EP400: variants seen among roughly 807,000 people sequenced by gnomAD.
The protein encoded by EP400 is E1A-binding protein p400.
In EP400, 105 loss-of-function variants were observed where a neutral mutation model predicts 354.1. That is an observed-to-expected ratio of 0.30 (90% CI 0.25 to 0.35). The LOEUF is 0.35. Among genes scored for constraint, EP400 ranks in the 10% least tolerant of loss-of-function variants. The pLI is 1.00. For synonymous variants in EP400, 1,646 were observed against 1,716.9 expected, an observed-to-expected ratio of 0.96 and a Z score of 1.02; for missense variants, 3,280 against 4,121.0, an observed-to-expected ratio of 0.80 and a Z score of 5.59.
At chr12:131,980,529 T>C (rs1453132997) in intron 3 of EP400, among the ~76,000 whole-genome samples, 2 of 152,126 alleles carry the variant, frequency 1.3e-5, no homozygotes, top group Non-Finnish European at 2.9e-5. Context: ...GGTTTTTTTT[T>C]CCTACATGTT....
intron 3 of EP400, among the ~76,000 whole-genome samples, chr12:131,981,097 G>T (rs1205898984): frequency 6.6e-6 from 1 of 152,100 alleles, no homozygotes; most frequent in Admixed American, 6.6e-5. Context: ...TTTTGAGCAC[G>T]CTGTGCAGCC....
Position 132,045,311 on chromosome 12 carries a change from C to G in EP400, c.6785-8C>G, listed in dbSNP as rs562490251. The G allele has an allele frequency of 5.8e-5, 93 of 1,613,954 alleles. 3 individuals are homozygous for G. In the South Asian group the frequency reaches 9.3e-4, roughly 16 times the overall value. On this transcript the variant is annotated splice_region_variant and splice_polypyrimidine_tract_variant and intron_variant, in intron 37 of 52. Transcript: ENST00000389561. ...TACTCTCTTGCTGAAGACTGCCTCT[C>G]TGTTCAGCTGCAGGCAGGAAGAAGA...
chr12:131,989,494 T>A (rs1429895769), intron 7 of EP400, among the ~76,000 whole-genome samples: 3 of 152,248 alleles, frequency 2.0e-5, no homozygotes, highest in Non-Finnish European at 2.9e-5. Context: ...TCCACCCATT[T>A]GAGGTTCTGT....
At chr12:132,065,842 T>TA (rs1364265164) in intron 48 of EP400, 5 of 152,256 alleles carry the variant, frequency 3.3e-5, no homozygotes, top group Non-Finnish European at 7.3e-5. Context: ...GTAGCCAGGG[T>TA]ACCGGGTTCT....
At chr12:131,977,836 T>C (rs953307146) in intron 2 of EP400, among the ~76,000 whole-genome samples, 12 of 152,170 alleles carry the variant, frequency 7.9e-5, no homozygotes, top group African/African-American at 2.2e-4. Flanking sequence ...CCCGTGTGAG[T>C]ACAGAGTCTG....
chr12:131,972,995 G>C (rs1175703562), intron 2 of EP400, among the ~76,000 whole-genome samples: 2 of 152,144 alleles, frequency 1.3e-5, no homozygotes, highest in Admixed American at 1.3e-4. Context: ...GCCTCCCAAA[G>C]TGCTGGGATT....
chr12:132,040,387 T>C (rs1894858190), intron 32 of EP400, among the ~76,000 whole-genome samples: 1 of 152,126 alleles, frequency 6.6e-6, no homozygotes, highest in Non-Finnish European at 1.5e-5. Context: ...AGAGTTGAAA[T>C]TAGCGTGTAG....
At chr12:132,016,314 G>A (rs1285934399) in intron 19 of EP400, among the ~76,000 whole-genome samples, 1 of 151,990 alleles carries the variant, frequency 6.6e-6, no homozygotes, top group African/African-American at 2.4e-5. Context: ...GCTGTGTGGG[G>A]ACTCAGGACT....
Position 132,053,465 on chromosome 12 carries a change from C to G in EP400, c.7596C>G (p.Gly2532=). Reference sequence around the variant, plus strand: ...CGCTGCCACAACCACAGGCAGCGGGCAGCCAGCCGCCAGCAGGGCCACCAG... The same window carrying G: ...CGCTGCCACAACCACAGGCAGCGGGGAGCCAGCCGCCAGCAGGGCCACCAG... The part of the protein sequence containing the change: ...PPPLPQPQAA[G]SQPPAGPPAV... The change falls in exon 43 of 53, where the codon GGC becomes GGG. Residue 2532 remains glycine (G), a synonymous_variant. Transcript: ENST00000389561. The G allele has an allele frequency of 6.6e-7, 1 of 1,526,194 alleles. No individual in the cohort carries two copies. The highest frequency in any genetic ancestry group is 8.7e-7 in the Non-Finnish European group (1 of 1,143,358). 94.5% of individuals were successfully genotyped at this position (1,526,194 alleles called of 1,614,324 possible). A position where few individuals can be genotyped will look rare whatever the true frequency, so the allele number is the denominator to read the frequency against.
In EP400 at chr12:132,075,111, T is replaced by G. The variant is rs1896191277; in HGVS notation, c.9022-1405T>G. Among the ~76,000 whole-genome samples the G allele has an allele frequency of 1.3e-5, 2 of 152,180 alleles. No homozygotes were observed. The highest frequency in any genetic ancestry group is 3.9e-4 in the East Asian group (2 of 5,190). The stretch of plus-strand genomic sequence containing the variant: ...CTGAGGCTTAGGGCAGGTGCTTTTC[T>G]TACAGATGCCACTGGAGGAAGGGGA... On this transcript the variant is annotated intron_variant, in intron 51 of 52. Transcript: ENST00000389561. This position sits in a 1 kb window ranked among gnomAD's most constrained non-coding sequence, Gnocchi z 4.5.
rs1392419621 is a variant in EP400 at position 132,045,507 on chromosome 12, C to G, written c.6973C>G (p.Pro2325Ala). ...LPTFAKPTAE[P>A]GQDNPEWLIS... ...AACTTTTGCCAAACCCACAGCTGAG[C>G]CTGGTCAAGACAACCCCGAGTGGCT... The change falls in exon 38 of 53, where the codon CCT becomes GCT. Residue 2325 changes from proline to alanine, a missense_variant. Around this residue, in one of 20 missense-constraint regions of EP400, gnomAD observed 231 missense variants for 257.9 expected, o/e 0.90. Coordinates refer to ENST00000389561, the MANE Select transcript of EP400 (RefSeq NM_015409.5). 6.2e-7 allele frequency: 1 copy of G among 1,614,168 alleles called. No individual in the cohort carries two copies. Among genetic ancestry groups the G allele is most frequent in the Non-Finnish European group, 8.5e-7 (1 of 1,180,034 alleles).
chr12:131,970,016 TC>T (rs1892235080), intron 2 of EP400, among the ~76,000 whole-genome samples: 1 of 152,138 alleles, frequency 6.6e-6, no homozygotes, highest in Non-Finnish European at 1.5e-5. Flanking sequence ...GCCACTGCAC[TC>T]CCTTGGGTGA....
chr12:132,050,696 G>T lies in EP400; in HGVS notation c.7394+41G>T. The T allele has an allele frequency of 6.2e-7, 1 of 1,612,110 alleles. No individual in the cohort carries two copies. Among genetic ancestry groups the T allele is most frequent in the Non-Finnish European group, 8.5e-7 (1 of 1,178,254 alleles). On this transcript the variant is annotated intron_variant, in intron 41 of 52. Coordinates refer to ENST00000389561, the MANE Select transcript of EP400 (RefSeq NM_015409.5). The surrounding 1 kb of genome is among the most constrained non-coding windows in gnomAD (Gnocchi z 4.8). Reference sequence around the variant, plus strand: ...TGACACATTTGTTACTGTTTGGAAGGATTTCATTCCAGTGTCATCTAAGTT... The same window carrying T: ...TGACACATTTGTTACTGTTTGGAAGTATTTCATTCCAGTGTCATCTAAGTT...
At chr12:132,040,908 C>T (rs1301244621) in intron 32 of EP400, among the ~76,000 whole-genome samples, 1 of 152,128 alleles carries the variant, frequency 6.6e-6, no homozygotes, top group African/African-American at 2.4e-5. Context: ...TCAGTTGTAG[C>T]AAGGCAAGGG....
At chr12:132,071,436 C>G (rs1896065055) in intron 51 of EP400, among the ~76,000 whole-genome samples, 1 of 152,142 alleles carries the variant, frequency 6.6e-6, no homozygotes, top group Non-Finnish European at 1.5e-5. Flanking sequence ...GCTTCCGGCT[C>G]AGGAAGGGCA....
chr12:131,979,491 T>C (rs1030971775), intron 2 of EP400, among the ~76,000 whole-genome samples: 4 of 152,142 alleles, frequency 2.6e-5, no homozygotes, highest in Admixed American at 6.6e-5. Flanking sequence ...AAGTCTTTTT[T>C]CCCCCAGAGG....
intron 42 of EP400, 37 bp downstream of exon 42, chr12:132,053,261 T>C: frequency 6.2e-7 from 1 of 1,611,256 alleles, no homozygotes. Flanking sequence ...AGTGGGAAAA[T>C]GTGGTGACTG....
In EP400 at chr12:132,013,058, A is replaced by C; in HGVS notation, c.3491A>C (p.Gln1164Pro). ...SFHVCITSYT[Q>P]FFRGLTAFTR... is the part of the protein sequence containing the mutation. ...CACGTCTGCATCACGTCCTACACTC[A>C]GTTCTTCCGGGGCCTCACCGCCTTC... is the stretch of plus-strand genomic sequence containing the variant. The change falls in exon 17 of 53, where the codon CAG becomes CCG. Residue 1164 changes from glutamine (Q) to proline (P), a missense_variant. Coordinates refer to ENST00000389561, the MANE Select transcript of EP400 (RefSeq NM_015409.5). The surrounding 1 kb of genome is among the most constrained non-coding windows in gnomAD (Gnocchi z 4.5). 1 of 1,614,020 alleles carries C rather than the reference A, an allele frequency of 6.2e-7. No individual in the cohort carries two copies. The highest frequency in any genetic ancestry group is 8.5e-7 in the Non-Finnish European group (1 of 1,180,040).
At position 132,052,182 on chromosome 12, in the gene EP400, A is replaced by G. The variant is rs1046012969; in HGVS notation, c.7395-964A>G. 6.6e-6 allele frequency among the ~76,000 whole-genome samples: 1 copy of G among 152,214 alleles called. No individual in the cohort carries two copies. The highest frequency in any genetic ancestry group is 1.9e-4 in the East Asian group (1 of 5,204). On this transcript the variant is annotated intron_variant, in intron 41 of 52. Transcript: ENST00000389561. This position sits in a 1 kb window ranked among gnomAD's most constrained non-coding sequence, Gnocchi z 4.4. ...TATCTGGTATAACTATTCTTGTTTTATATTTTATTATACTGGAACAGCTCG... is the reference window on the plus strand; with the variant it reads ...TATCTGGTATAACTATTCTTGTTTTGTATTTTATTATACTGGAACAGCTCG...
Sources: allele counts gnomAD v4.1 joint callset (sites outside exome capture counted in the v4.1 genomes callset), GRCh38; gene constraint gnomAD v4.1.1; regional missense constraint gnomAD v4.1.1; non-coding constraint Gnocchi (gnomAD v3.1); transcripts MANE v1.5; gene names NCBI Gene and HGNC (gene_info 2026-07-23, HGNC 2026-07-21).